Variants in RGS7 observed in about 807,000 individuals in gnomAD.
The protein encoded by RGS7 is regulator of G protein signaling 7, also known as regulator of G-protein signaling 7.
Under a neutral mutation model 81.1 loss-of-function variants are expected in RGS7, and 27 were observed. The ratio of observed to expected loss-of-function variants is 0.33; its 90% CI spans 0.25 to 0.46. The LOEUF (loss-of-function observed/expected upper bound fraction) is 0.46. RGS7 is among the 20% of genes least tolerant of loss of function. RGS7 has a pLI of 1.00. For missense variants in RGS7, 396 were observed against 607.4 expected, an observed-to-expected ratio of 0.65 and a Z score of 3.66; for synonymous variants, 208 against 207.7, an observed-to-expected ratio of 1.00 and a Z score of -0.01.
rs556627591 is a variant in RGS7 at position 241,124,398 on chromosome 1, A to C, written c.79-25636T>G. 2.0e-5 allele frequency among the ~76,000 whole-genome samples: 3 copies of C among 152,224 alleles called. No homozygotes were observed. In the East Asian group the frequency reaches 5.8e-4, roughly 30 times the overall value. On this transcript the variant is annotated intron_variant, in intron 2 of 18. Transcript: ENST00000440928. ...GACAGAGAGAGACCCTGTCTCTTTG[A>C]AAAAAATAAAAAAGAAAGAAAACAA...
chr1:240,916,488 G>C (rs1468407105), intron 6 of RGS7, among the ~76,000 whole-genome samples: 1 of 152,140 alleles, frequency 6.6e-6, no homozygotes, highest in Non-Finnish European at 1.5e-5. Flanking sequence ...ATGTCCTCCT[G>C]TTCCCCCAGC....
At chr1:241,287,892 T>A (rs947409375) in intron 2 of RGS7, among the ~76,000 whole-genome samples, 1 of 152,150 alleles carries the variant, frequency 6.6e-6, no homozygotes, top group Non-Finnish European at 1.5e-5. Context: ...AAAATAAAAA[T>A]ATATGACACT....
At chr1:241,211,006 C>A (rs985822994) in intron 2 of RGS7, among the ~76,000 whole-genome samples, 1 of 152,164 alleles carries the variant, frequency 6.6e-6, no homozygotes. Context: ...TAAATATTGG[C>A]CAGGTGTGGG....
chr1:240,967,403 C>T (rs1465706302), intron 4 of RGS7, among the ~76,000 whole-genome samples: 1 of 152,090 alleles, frequency 6.6e-6, no homozygotes, highest in Admixed American at 6.5e-5. Context: ...CGTAGTTACC[C>T]TGTGTGCTGT....
chr1:240,998,673 G>T (rs989041351), intron 3 of RGS7: 22 of 1,149,334 alleles, frequency 1.9e-5, no homozygotes, highest in Admixed American at 3.5e-5. Flanking sequence ...AGGCCAAAAG[G>T]GTTCAACATT....
At chr1:240,891,201 T>TG (rs35370399) in intron 6 of RGS7, among the ~76,000 whole-genome samples, 54,438 of 151,726 alleles carry the variant, frequency 0.36, 10,099 homozygotes, top group East Asian at 0.5. Context: ...CCAGCATCAC[T>TG]GGGGGGGTGG....
chr1:241,188,196 C>A (rs2072291506), intron 2 of RGS7, among the ~76,000 whole-genome samples: 1 of 99,748 alleles, frequency 1.0e-5, no homozygotes, highest in Admixed American at 1.2e-4. Context: ...ACCACAGGTA[C>A]CCCATAAATA....
At chr1:241,156,220 G>A (rs142308532) in intron 2 of RGS7, among the ~76,000 whole-genome samples, 2 of 152,016 alleles carry the variant, frequency 1.3e-5, no homozygotes, top group Non-Finnish European at 2.9e-5. Flanking sequence ...GGCTGGGAGT[G>A]GTGGCTCACA....
rs150542818 is a variant in RGS7, at chr1:241,247,725, T to C, written c.78+107974A>G. On this transcript the variant is annotated intron_variant, in intron 2 of 18. Coordinates refer to ENST00000440928, the MANE Select transcript of RGS7 (RefSeq NM_001364886.1). ...CTAAAAAAAAAAATAGGTATAGTGA[T>C]GCTAAATCTCTAAATACTCTTAGAA... 7.2e-5 allele frequency among the ~76,000 whole-genome samples: 11 copies of C among 152,182 alleles called. No individual in the cohort carries two copies. The East Asian group carries it at 2.1e-3, about 29-fold the overall frequency.
At chr1:241,290,734 G>GT (rs2079044247) in intron 2 of RGS7, among the ~76,000 whole-genome samples, 2 of 152,282 alleles carry the variant, frequency 1.3e-5, no homozygotes, top group Admixed American at 6.5e-5. Flanking sequence ...CTGTAGCTAT[G>GT]TAAGTTTGGA....
intron 4 of RGS7, among the ~76,000 whole-genome samples, chr1:240,972,704 A>T (rs1380106600): frequency 2.7e-5 from 1 of 37,624 alleles, no homozygotes; most frequent in South Asian, 5.9e-3. Context: ...AATAAAAAAA[A>T]AAAAAACAAA....
intron 2 of RGS7, among the ~76,000 whole-genome samples, chr1:241,115,542 A>C (rs1309927626): frequency 6.6e-6 from 1 of 152,158 alleles, no homozygotes; most frequent in Non-Finnish European, 1.5e-5. Context: ...GGGAAGAAAC[A>C]ATTGTCTCCC....
At chr1:241,135,915 T>C (rs1340121477) in intron 2 of RGS7, among the ~76,000 whole-genome samples, 1 of 149,804 alleles carries the variant, frequency 6.7e-6, no homozygotes, top group Non-Finnish European at 1.5e-5. Flanking sequence ...AGCCTTTCTT[T>C]ATGCAGTGAC....
At chr1:240,809,644 A>G (rs1689497849) in intron 14 of RGS7, among the ~76,000 whole-genome samples, 1 of 152,224 alleles carries the variant, frequency 6.6e-6, no homozygotes, top group South Asian at 2.1e-4. Context: ...GGCAATATTT[A>G]CATTTTATGT....
chr1:240,918,825 C>T (rs1390304897), intron 6 of RGS7, among the ~76,000 whole-genome samples: 1 of 151,564 alleles, frequency 6.6e-6, no homozygotes, highest in Non-Finnish European at 1.5e-5. Flanking sequence ...TATTGATGAG[C>T]CTCTAGCCAG....
At chr1:240,876,786 C>G (rs942092059) in intron 6 of RGS7, among the ~76,000 whole-genome samples, 18 of 152,000 alleles carry the variant, frequency 1.2e-4, no homozygotes, top group African/African-American at 4.4e-4. Context: ...CATGGTGAAA[C>G]CCAATCTCTA....
At chr1:240,930,789 G>A in intron 5 of RGS7, 21 bp from the exon 6 acceptor site, 1 of 1,612,944 alleles carries the variant, frequency 6.2e-7, no homozygotes, top group Non-Finnish European at 8.5e-7. Context: ...AAAAGAAGTG[G>A]AACCCAGATT....
intron 6 of RGS7, among the ~76,000 whole-genome samples, chr1:240,898,307 T>C (rs915297589): frequency 2.0e-5 from 3 of 152,242 alleles, no homozygotes; most frequent in Non-Finnish European, 4.4e-5. Context: ...ATCTTAGTTA[T>C]TTCTTGCCTT....
intron 2 of RGS7, among the ~76,000 whole-genome samples, chr1:241,277,281 T>C (rs2078243493): frequency 6.6e-6 from 1 of 152,222 alleles, no homozygotes; most frequent in African/African-American, 2.4e-5. Flanking sequence ...CCGCAATATA[T>C]ATCTGTATTT....
Sources: gnomAD v4.1 joint callset for allele counts (sites outside exome capture counted in the v4.1 genomes callset) on GRCh38, gnomAD v4.1.1 for gene constraint, MANE v1.5 for transcripts, NCBI Gene and HGNC (gene_info 2026-07-23, HGNC 2026-07-21) for gene names.